The following LRRC36 variants were observed in gnomAD, a reference collection of about 807,000 sequenced individuals.
LRRC36 encodes leucine-rich repeat-containing protein 36.
A neutral mutation model predicts 81.1 loss-of-function variants in LRRC36; 62 were observed. The observed-to-expected ratio is 0.76, with a 90% confidence interval of 0.62 to 0.94. The LOEUF is 0.94. LRRC36 is among the 40% of genes least tolerant of loss of function. The pLI, the probability that LRRC36 is intolerant of heterozygous loss-of-function variation, is 0.00. For missense variants in LRRC36, 761 were observed against 881.7 expected (o/e 0.86, Z 1.73); for synonymous variants, 334 against 348.6 (o/e 0.96, Z 0.47).
At position 67,363,731 on chromosome 16, in the gene LRRC36, C is replaced by G; in HGVS notation, c.702+17C>G. The G allele has an allele frequency of 6.2e-7, 1 of 1,611,904 alleles. No individual in the cohort carries two copies. Among genetic ancestry groups the G allele is most frequent in the Non-Finnish European group, 8.5e-7 (1 of 1,178,762 alleles). On this transcript the variant is annotated intron_variant, in intron 6 of 13. Coordinates refer to ENST00000329956, the MANE Select transcript of LRRC36 (RefSeq NM_018296.6). ...GGGACACAGGTAATGTATTCACTCT[C>G]CTGCTGATCTGTTGACTAGTCAATG...
chr16:67,366,973 A>G (rs2039424734), intron 7 of LRRC36, 44 bp from the exon 8 acceptor site: 1 of 1,497,450 alleles, frequency 6.7e-7, no homozygotes, highest in African/African-American at 1.4e-5. Context: ...TAGGCCACAA[A>G]GAATTCTTAT....
At chr16:67,363,420 GAGA>G (rs1376548007) in intron 5 of LRRC36, among the ~76,000 whole-genome samples, 167 bp from the exon 6 acceptor site, 1 of 152,208 alleles carries the variant, frequency 6.6e-6, no homozygotes, top group Non-Finnish European at 1.5e-5. Context: ...AACGAAGTGA[GAGA>G]AGTAGAGAGG....
chr16:67,352,180 C>T (rs1294097771), intron 5 of LRRC36, among the ~76,000 whole-genome samples: 2 of 152,174 alleles, frequency 1.3e-5, no homozygotes, highest in Non-Finnish European at 2.9e-5. Context: ...TTAGAAGCCC[C>T]AGCTGTTGCC....
chr16:67,349,082 G>A (rs1452355358), intron 4 of LRRC36, among the ~76,000 whole-genome samples: 1 of 152,032 alleles, frequency 6.6e-6, no homozygotes, highest in African/African-American at 2.4e-5. Flanking sequence ...TTGTTTATAT[G>A]TTTTGTGGAT....
chr16:67,341,809 T>C (rs1441037766), intron 1 of LRRC36, 148 bp from the exon 2 acceptor site: 2 of 472,308 alleles, frequency 4.2e-6, no homozygotes, highest in African/African-American at 4.0e-5. Context: ...ACCATACTGC[T>C]GCTTTTAAAA....
rs779496955 is a variant in LRRC36, at chr16:67,362,923, G to A, written c.578-667G>A. Among the ~76,000 whole-genome samples the A allele has an allele frequency of 1.0e-3, 156 of 152,078 alleles. 1 individual carries two copies. The highest frequency in any genetic ancestry group is 1.7e-3 in the Admixed American group (26 of 15,264). ...CTCCTGAGTAGCTGGGATTATAGGC[G>A]CGCGCCACCACTCCCGGCCCGGCTA... On this transcript the variant is annotated intron_variant, in intron 5 of 13. Transcript: ENST00000329956.
intron 5 of LRRC36, among the ~76,000 whole-genome samples, chr16:67,361,046 C>G (rs982500076): frequency 6.6e-6 from 1 of 152,180 alleles, no homozygotes; most frequent in African/African-American, 2.4e-5. Context: ...GAATCGTTCT[C>G]TCTTTCTTGT....
At chr16:67,346,550 A>G in intron 3 of LRRC36, 102 bp downstream of exon 3, 4 of 590,816 alleles carry the variant, frequency 6.8e-6, no homozygotes, top group East Asian at 2.8e-5. Flanking sequence ...GGCAGGATAT[A>G]TTTGTTTATT....
chr16:67,331,929 A>G (rs569144542), intron 1 of LRRC36, among the ~76,000 whole-genome samples: 4 of 151,916 alleles, frequency 2.6e-5, no homozygotes, highest in Non-Finnish European at 5.9e-5. Context: ...CGGAGGTTGC[A>G]GTAAGCCAAG....
chr16:67,341,227 A>T (rs1310672320), intron 1 of LRRC36, among the ~76,000 whole-genome samples: 2 of 139,580 alleles, frequency 1.4e-5, no homozygotes, highest in East Asian at 2.1e-4. Flanking sequence ...TATATAATTT[A>T]ATATATATAA....
intron 6 of LRRC36, among the ~76,000 whole-genome samples, chr16:67,364,868 A>G (rs1025978538): frequency 2.0e-5 from 3 of 152,168 alleles, no homozygotes; most frequent in African/African-American, 7.2e-5. Context: ...CAAACCCTAG[A>G]TGGCTTTCTG....
Position 67,346,285 on chromosome 16 carries a change from C to T in LRRC36, c.228C>T (p.Asp76=), listed in dbSNP as rs531259428. The part of the protein sequence containing the change: ...KGIQYLCSLQ[D]LNLYYNNIPS... ...TCCAGTATTTATGTTCACTCCAAGACCTGAATTTATATTATAACAACATTC... is the reference window on the plus strand; with the variant it reads ...TCCAGTATTTATGTTCACTCCAAGATCTGAATTTATATTATAACAACATTC... The change falls in exon 3 of 14, where the codon GAC becomes GAT. Residue 76 remains aspartate, a synonymous_variant. Transcript: ENST00000329956. 1.2e-5 allele frequency: 20 copies of T among 1,607,106 alleles called. No homozygotes were observed. In the East Asian group the frequency reaches 4.0e-4, roughly 32 times the overall value.
intron 1 of LRRC36, among the ~76,000 whole-genome samples, chr16:67,330,905 C>G (rs2037450624): frequency 2.0e-5 from 3 of 151,984 alleles, no homozygotes; most frequent in African/African-American, 7.3e-5. Context: ...TCCCTTTTCT[C>G]TTGTCATAAC....
intron 1 of LRRC36, among the ~76,000 whole-genome samples, chr16:67,337,288 C>T (rs1402719099): frequency 6.6e-6 from 1 of 151,282 alleles, no homozygotes; most frequent in Non-Finnish European, 1.5e-5. Context: ...TTCTTTTGTG[C>T]TCTTATTTTC....
chr16:67,341,460 G>A (rs537582985), intron 1 of LRRC36, among the ~76,000 whole-genome samples: 221 of 151,568 alleles, frequency 1.5e-3, no homozygotes, highest in South Asian at 1.5e-3. Flanking sequence ...GAACAAGGTC[G>A]CAGATGTAGT....
At chr16:67,341,900 ACT>A in intron 1 of LRRC36, 55 bp from the exon 2 acceptor site, 5 of 1,472,814 alleles carry the variant, frequency 3.4e-6, no homozygotes, top group Non-Finnish European at 4.6e-6. Flanking sequence ...ACTTTCACTG[ACT>A]CTGCTGTTGA....
At chr16:67,377,411 A>G (rs929963740) in intron 11 of LRRC36, among the ~76,000 whole-genome samples, 1 of 152,080 alleles carries the variant, frequency 6.6e-6, no homozygotes, top group Non-Finnish European at 1.5e-5. Flanking sequence ...GCTCACTGCA[A>G]CCTCTGCCCC....
At chr16:67,347,023 C>T (rs1377275612) in intron 3 of LRRC36, among the ~76,000 whole-genome samples, 1 of 152,086 alleles carries the variant, frequency 6.6e-6, no homozygotes, top group African/African-American at 2.4e-5. Flanking sequence ...TACAGGCACG[C>T]ACCACCACAC....
chr16:67,356,089 G>A (rs932892458), intron 5 of LRRC36, among the ~76,000 whole-genome samples: 3 of 152,130 alleles, frequency 2.0e-5, no homozygotes, highest in Non-Finnish European at 4.4e-5. Flanking sequence ...TATCCTGTAG[G>A]TACTAGTTGA....
Sources: allele counts gnomAD v4.1 joint callset (sites outside exome capture counted in the v4.1 genomes callset), GRCh38; gene constraint gnomAD v4.1.1; transcripts MANE v1.5; gene names NCBI Gene and HGNC (gene_info 2026-07-23, HGNC 2026-07-21).